MAP4K3: variants seen among roughly 807,000 people sequenced by gnomAD.
MAP4K3 encodes the protein mitogen-activated protein kinase kinase kinase kinase 3.
In MAP4K3, 94 loss-of-function variants were observed where a neutral mutation model predicts 143.5. That is an observed-to-expected ratio of 0.65 (90% confidence interval 0.55 to 0.78). The LOEUF (loss-of-function observed/expected upper bound fraction) is 0.78. MAP4K3 is among the 30% of genes least tolerant of loss of function. The pLI is 0.00. For missense variants in MAP4K3, 1,077 were observed against 1,068.1 expected (o/e 1.01, Z -0.12); for synonymous variants, 416 against 347.2 (o/e 1.20, Z -2.20).
chr2:39,421,241 A>G (rs943505489), intron 1 of MAP4K3, among the ~76,000 whole-genome samples: 1 of 152,112 alleles, frequency 6.6e-6, no homozygotes, highest in African/African-American at 2.4e-5. Context: ...CTCAAGACAT[A>G]TTCTGGTCTC....
intron 1 of MAP4K3, among the ~76,000 whole-genome samples, chr2:39,405,871 C>G (rs1244906397): frequency 6.6e-6 from 1 of 151,486 alleles, no homozygotes; most frequent in East Asian, 1.9e-4. Flanking sequence ...GACCCTATCT[C>G]AAAAAATAAA....
chr2:39,373,263 G>A (rs1666130260), intron 2 of MAP4K3, among the ~76,000 whole-genome samples: 2 of 152,106 alleles, frequency 1.3e-5, no homozygotes, highest in South Asian at 4.1e-4. Context: ...TATTCAAAAT[G>A]CCTTTTATCA....
chr2:39,375,398 C>T (rs919344144), intron 2 of MAP4K3, among the ~76,000 whole-genome samples: 1 of 152,124 alleles, frequency 6.6e-6, no homozygotes, highest in African/African-American at 2.4e-5. Flanking sequence ...GAATATATTA[C>T]ATGATGCTAC....
intron 21 of MAP4K3, among the ~76,000 whole-genome samples, chr2:39,285,878 A>C (rs891601060): frequency 6.6e-6 from 1 of 152,208 alleles, no homozygotes; most frequent in African/African-American, 2.4e-5. Context: ...TCTTCCAGTG[A>C]TTGTAAGTCA....
intron 1 of MAP4K3, among the ~76,000 whole-genome samples, chr2:39,402,242 TC>T (rs770598701): frequency 6.6e-6 from 1 of 152,186 alleles, no homozygotes; most frequent in Non-Finnish European, 1.5e-5. Flanking sequence ...GAAACTACAG[TC>T]TTTTCTCTGT....
intron 5 of MAP4K3, 55 bp from the exon 6 acceptor site, chr2:39,337,022 T>C: frequency 3.5e-6 from 3 of 867,050 alleles, no homozygotes; most frequent in Non-Finnish European, 5.5e-6. Flanking sequence ...AGCACTCTTT[T>C]GGATTTTATG....
rs531590822 is a variant in MAP4K3 at position 39,433,663 on chromosome 2, AT to A, written c.96+3228del. ...CACAAATACATACAACATTAAGCCT[AT>A]TAATTTCAGAGCACTCCATGGGCCT... On this transcript the variant is annotated intron_variant, in intron 1 of 33. Coordinates refer to ENST00000263881, the MANE Select transcript of MAP4K3 (RefSeq NM_003618.4). Among the ~76,000 whole-genome samples the A allele has an allele frequency of 2.0e-3, 304 of 152,266 alleles. 1 individual carries two copies. The highest frequency in any genetic ancestry group is 6.8e-3 in the Middle Eastern group (2 of 294).
intron 19 of MAP4K3, among the ~76,000 whole-genome samples, chr2:39,290,022 G>A (rs1456562384): frequency 6.6e-6 from 1 of 150,634 alleles, no homozygotes; most frequent in African/African-American, 2.5e-5. Flanking sequence ...GAGAGGAGGA[G>A]GCTGCAGTGA....
chr2:39,350,995 A>T (rs1032501779), intron 3 of MAP4K3, among the ~76,000 whole-genome samples: 1 of 152,192 alleles, frequency 6.6e-6, no homozygotes, highest in Admixed American at 6.5e-5. Flanking sequence ...ACACAAATTA[A>T]TAAAGTATTA....
chr2:39,374,678 T>C (rs1322573102), intron 2 of MAP4K3, among the ~76,000 whole-genome samples: 1 of 151,948 alleles, frequency 6.6e-6, no homozygotes, highest in East Asian at 1.9e-4. Context: ...CAAGACTCCA[T>C]CACAAATTAA....
intron 1 of MAP4K3, among the ~76,000 whole-genome samples, chr2:39,429,817 T>C (rs957455298): frequency 3.3e-5 from 5 of 152,194 alleles, no homozygotes; most frequent in African/African-American, 4.8e-5. Flanking sequence ...TTCAAGACTT[T>C]TGATAAAGCT....
At chr2:39,421,794 C>G (rs1667555706) in intron 1 of MAP4K3, among the ~76,000 whole-genome samples, 1 of 152,042 alleles carries the variant, frequency 6.6e-6, no homozygotes, top group South Asian at 2.1e-4. Flanking sequence ...TATTCCTCCC[C>G]CTACCAGGAC....
intron 2 of MAP4K3, among the ~76,000 whole-genome samples, chr2:39,373,063 T>C (rs2148574566): frequency 6.6e-6 from 1 of 152,016 alleles, no homozygotes; most frequent in Admixed American, 6.6e-5. Flanking sequence ...AACAACCAGA[T>C]TATATAAGGA....
intron 12 of MAP4K3, among the ~76,000 whole-genome samples, chr2:39,324,442 A>C (rs1411296293): frequency 1.3e-5 from 2 of 152,094 alleles, no homozygotes; most frequent in Non-Finnish European, 2.9e-5. Context: ...AAACTTCTTC[A>C]GAGTATAATT....
chr2:39,326,508 A>ACTTGC, intron 8 of MAP4K3, among the ~76,000 whole-genome samples: 1 of 152,224 alleles, frequency 6.6e-6, no homozygotes, highest in African/African-American at 2.4e-5. Flanking sequence ...GGTGGAAGGG[A>ACTTGC]CTTGCCTTGC....
intron 2 of MAP4K3, among the ~76,000 whole-genome samples, chr2:39,375,946 T>G (rs1666206020): frequency 6.6e-6 from 1 of 152,232 alleles, no homozygotes; most frequent in Non-Finnish European, 1.5e-5. Context: ...TTCAATTGTA[T>G]GAACACAACA....
chr2:39,305,254 T>C (rs991172061), intron 15 of MAP4K3, among the ~76,000 whole-genome samples: 15 of 152,104 alleles, frequency 9.9e-5, no homozygotes, highest in African/African-American at 3.6e-4. Flanking sequence ...AAACAAAACA[T>C]AACCATGGGA....
intron 8 of MAP4K3, among the ~76,000 whole-genome samples, chr2:39,330,957 T>C (rs190680337): frequency 7.2e-4 from 109 of 152,286 alleles, no homozygotes; most frequent in African/African-American, 2.5e-3. Context: ...TAACGCAGTA[T>C]CTGTAAATGA....
chr2:39,338,889 T>C (rs1665059492), intron 4 of MAP4K3, among the ~76,000 whole-genome samples: 1 of 152,364 alleles, frequency 6.6e-6, no homozygotes, highest in Non-Finnish European at 1.5e-5. Context: ...TGTTGGCACC[T>C]TGATCTTGCA....
Sources: allele counts gnomAD v4.1 joint callset (sites outside exome capture counted in the v4.1 genomes callset), GRCh38; gene constraint gnomAD v4.1.1; transcripts MANE v1.5; gene names NCBI Gene and HGNC (gene_info 2026-07-23, HGNC 2026-07-21).